The following USP7 variants were observed in gnomAD, a reference collection of about 807,000 sequenced individuals.
USP7 encodes the protein ubiquitin specific peptidase 7.
USP7 carries 9 observed loss-of-function variants against 162.9 expected under a neutral mutation model. The observed-to-expected ratio is 0.06, with a 90% CI of 0.03 to 0.10. USP7 has a LOEUF of 0.10. USP7 is among the 10% of genes least tolerant of loss of function. USP7 has a pLI of 1.00. For synonymous variants in USP7, 562 were observed against 475.9 expected, an observed-to-expected ratio of 1.18 and a Z score of -2.35; for missense variants, 715 against 1,373.7, an observed-to-expected ratio of 0.52 and a Z score of 7.58.
chr16:8,921,678 C>G (rs1897697398), intron 3 of USP7, among the ~76,000 whole-genome samples: 1 of 152,178 alleles, frequency 6.6e-6, no homozygotes, highest in Non-Finnish European at 1.5e-5. Flanking sequence ...AGGATGCCCT[C>G]CAGCACATGC....
At chr16:8,921,864 T>C (rs11075029) in intron 3 of USP7, among the ~76,000 whole-genome samples, 7,016 of 152,250 alleles carry the variant, frequency 0.046, 221 homozygotes, top group Middle Eastern at 0.14. Flanking sequence ...AAACCATACA[T>C]ACAGCACTTA....
intron 4 of USP7, among the ~76,000 whole-genome samples, 153 bp from the exon 5 acceptor site, chr16:8,920,600 ATTTTC>A (rs1280936373): frequency 3.3e-5 from 5 of 152,102 alleles, no homozygotes; most frequent in Admixed American, 1.3e-4. Context: ...GACTGTTTCA[ATTTTC>A]TTTTAACAGT....
chr16:8,924,730 G>C (rs550765408), intron 2 of USP7, among the ~76,000 whole-genome samples: 1 of 152,192 alleles, frequency 6.6e-6, no homozygotes, highest in Non-Finnish European at 1.5e-5. Flanking sequence ...GACTGAGTTT[G>C]GTCTTAAGAA....
At chr16:8,911,814 G>A (rs1269917592) in intron 10 of USP7, among the ~76,000 whole-genome samples, 1 of 152,178 alleles carries the variant, frequency 6.6e-6, no homozygotes, top group African/African-American at 2.4e-5. Context: ...CAGTGAACTC[G>A]AGGAAATTAC....
At chr16:8,957,569 C>T (rs1596418640) in intron 1 of USP7, among the ~76,000 whole-genome samples, 2 of 150,232 alleles carry the variant, frequency 1.3e-5, no homozygotes, top group East Asian at 3.9e-4. Flanking sequence ...AGCAAGACCC[C>T]ATCTCTACAA....
intron 1 of USP7, among the ~76,000 whole-genome samples, chr16:8,961,357 T>C (rs909537635): frequency 4.6e-5 from 7 of 151,606 alleles, no homozygotes; most frequent in Non-Finnish European, 1.0e-4. Flanking sequence ...CCAGGCGTGG[T>C]TGCACATGGC....
intron 14 of USP7, 87 bp from the exon 15 acceptor site, chr16:8,904,652 T>C (rs1365973335): frequency 4.5e-6 from 7 of 1,551,230 alleles, no homozygotes; most frequent in Admixed American, 1.9e-5. Context: ...ATTAATAAAA[T>C]AATCTATTAG....
At chr16:8,957,707 A>G (rs908657220) in intron 1 of USP7, among the ~76,000 whole-genome samples, 8 of 152,044 alleles carry the variant, frequency 5.3e-5, no homozygotes, top group Non-Finnish European at 1.2e-4. Context: ...GCAGTGAGCT[A>G]TGATCGCCCA....
intron 5 of USP7, among the ~76,000 whole-genome samples, 161 bp from the exon 6 acceptor site, chr16:8,919,300 C>T (rs1265840998): frequency 6.6e-6 from 1 of 151,960 alleles, no homozygotes; most frequent in Admixed American, 6.5e-5. Flanking sequence ...TCTGCTTGCT[C>T]CAGTGTGTGA....
At chr16:8,943,978 A>T (rs8053087) in intron 1 of USP7, among the ~76,000 whole-genome samples, 41,654 of 152,082 alleles carry the variant, frequency 0.27, 7,501 homozygotes, top group African/African-American at 0.52. Context: ...CAAAACTATA[A>T]GGTGCGGGGG....
At chr16:8,936,671 A>AT in intron 1 of USP7, 1 of 1,535,954 alleles carries the variant, frequency 6.5e-7, no homozygotes, top group Non-Finnish European at 8.7e-7. Flanking sequence ...TCTCACCCAC[A>AT]TCAGAGTGAC....
At chr16:8,898,692 A>G in intron 23 of USP7, 53 bp from the exon 24 acceptor site, 2 of 1,434,114 alleles carry the variant, frequency 1.4e-6, no homozygotes, top group East Asian at 4.6e-5. Context: ...GCCTAAAAAC[A>G]AATATCTGTG....
Position 8,895,119 on chromosome 16 carries a change from T to C in USP7, c.2951A>G (p.Lys984Arg), listed in dbSNP as rs2061661025. Residue 984 changes from lysine to arginine, a missense_variant, in exon 28 of 31, where the codon AAA (lysine) becomes AGA (arginine). By Grantham distance (26) the Lys-to-Arg change is conservative. This residue lies in a region of USP7 where 222 missense variants were observed against 441.7 expected (regional missense o/e 0.50). Coordinates refer to ENST00000344836, the MANE Select transcript of USP7 (RefSeq NM_003470.3). ...EIPLDQVDIDKENEMLVTVAH... is the reference protein window; with the variant it reads ...EIPLDQVDIDRENEMLVTVAH... Reference sequence around the variant, plus strand: ...CACTGTGACAAGCATCTCATTCTCTTTGTCTATGTCCACCTGGTCCAAAGG... The same window carrying C: ...CACTGTGACAAGCATCTCATTCTCTCTGTCTATGTCCACCTGGTCCAAAGG... 6.2e-7 allele frequency: 1 copy of C among 1,614,122 alleles called. No homozygotes were observed. Among genetic ancestry groups the C allele is most frequent in the African/African-American group, 1.3e-5 (1 of 74,944 alleles).
At chr16:8,931,447 A>G (rs1296647584) in intron 1 of USP7, among the ~76,000 whole-genome samples, 1 of 152,224 alleles carries the variant, frequency 6.6e-6, no homozygotes, top group Non-Finnish European at 1.5e-5. Context: ...TTGGCCTCCC[A>G]AAGTGCTGGG....
At chr16:8,934,782 G>A (rs535066246) in intron 1 of USP7, among the ~76,000 whole-genome samples, 76 of 152,324 alleles carry the variant, frequency 5.0e-4, no homozygotes, top group African/African-American at 1.5e-3. Flanking sequence ...GTTGGCCACC[G>A]AGTACATAAG....
chr16:8,948,611 TA>T (rs1899400618), intron 1 of USP7, among the ~76,000 whole-genome samples: 1 of 152,182 alleles, frequency 6.6e-6, no homozygotes, highest in African/African-American at 2.4e-5. Flanking sequence ...ATCTCTTTGC[TA>T]AATCATGGTG....
At chr16:8,934,068 A>T (rs1898538624) in intron 1 of USP7, among the ~76,000 whole-genome samples, 1 of 152,172 alleles carries the variant, frequency 6.6e-6, no homozygotes, top group Non-Finnish European at 1.5e-5. Flanking sequence ...TATAAATCTT[A>T]AAAGTAATTT....
intron 15 of USP7, 131 bp from the exon 16 acceptor site, chr16:8,903,533 T>C (rs1352544726): frequency 1.9e-5 from 23 of 1,206,260 alleles, no homozygotes; most frequent in African/African-American, 3.1e-5. Context: ...AGAAGACCAA[T>C]GAAGAAAAAC....
At chr16:8,901,994 G>A in intron 18 of USP7, 88 bp downstream of exon 18, 2 of 1,081,302 alleles carry the variant, frequency 1.8e-6, no homozygotes, top group Middle Eastern at 2.3e-4. Context: ...TGCAAGGGAA[G>A]AAGGCTTAAC....
Sources: gnomAD v4.1 joint callset for allele counts (sites outside exome capture counted in the v4.1 genomes callset) on GRCh38, gnomAD v4.1.1 for gene constraint, gnomAD v4.1.1 regional missense constraint, MANE v1.5 for transcripts, NCBI Gene and HGNC (gene_info 2026-07-23, HGNC 2026-07-21) for gene names.